The following TRPV4 variants were observed in gnomAD, a reference collection of about 807,000 sequenced individuals.
TRPV4 encodes transient receptor potential cation channel subfamily V member 4, also known as OSM9-like transient receptor potential channel 4.
In TRPV4, 58 loss-of-function variants were observed where a neutral mutation model predicts 84.1. That is an observed-to-expected ratio of 0.69 (90% confidence interval 0.56 to 0.86). The LOEUF is 0.86. Among genes scored for constraint, TRPV4 ranks in the 40% least tolerant of loss-of-function variants. The pLI is 0.00. For missense variants in TRPV4, 879 were observed against 1,181.1 expected (o/e 0.74, Z 3.75); for synonymous variants, 489 against 500.9 (o/e 0.98, Z 0.32).
At chr12:109,824,693 T>C (rs1204702264) in intron 1 of TRPV4, among the ~76,000 whole-genome samples, 1 of 152,002 alleles carries the variant, frequency 6.6e-6, no homozygotes, top group Non-Finnish European at 1.5e-5. Flanking sequence ...GAGGCAGAGA[T>C]TGCAGTGAGC....
intron 3 of TRPV4, among the ~76,000 whole-genome samples, chr12:109,806,028 C>A (rs1264804793): frequency 6.6e-6 from 1 of 152,222 alleles, no homozygotes; most frequent in Non-Finnish European, 1.5e-5. Flanking sequence ...TTGGCCAGGG[C>A]TTAAACATGG....
Position 109,796,171 on chromosome 12 carries a change from A to T in TRPV4, c.1332+354T>A, listed in dbSNP as rs1402404174. 6.6e-6 allele frequency among the ~76,000 whole-genome samples: 1 copy of T among 152,176 alleles called. No individual in the cohort carries two copies. Among genetic ancestry groups the T allele is most frequent in the African/African-American group, 2.4e-5 (1 of 41,444 alleles). ...ATTAACCTCTTTGGTCCTCCCAAGA[A>T]CCCCATGGGATATCCATGATCCTTA... On this transcript the variant is annotated intron_variant, in intron 7 of 15. Transcript: ENST00000261740. The surrounding 1 kb of genome is among the most constrained non-coding windows in gnomAD (Gnocchi z 4.2).
chr12:109,828,493 A>G lies in TRPV4; in HGVS notation c.-32+4857T>C, dbSNP rs1592876659. ...CTGCAAGGGCACCCGAGGTTGAAGGAGCCCAGGCCAGAACAAGAGCAGCAG... is the reference window on the plus strand; with the variant it reads ...CTGCAAGGGCACCCGAGGTTGAAGGGGCCCAGGCCAGAACAAGAGCAGCAG... On this transcript the variant is annotated intron_variant, in intron 1 of 15. Transcript: ENST00000261740. Among the ~76,000 whole-genome samples, 4 of 152,280 alleles carry G rather than the reference A, an allele frequency of 2.6e-5. No homozygotes were observed. In the South Asian group the frequency reaches 8.3e-4, roughly 32 times the overall value.
intron 4 of TRPV4, among the ~76,000 whole-genome samples, chr12:109,801,837 A>AT (rs1329540226): frequency 6.6e-6 from 1 of 152,198 alleles, no homozygotes; most frequent in Non-Finnish European, 1.5e-5. Flanking sequence ...CTCAAAAAAA[A>AT]GAAAACTCCT....
Position 109,814,307 on chromosome 12 carries a change from G to A in TRPV4, c.386+104C>T, listed in dbSNP as rs1400057047. 1 of 1,307,978 alleles carries A rather than the reference G, an allele frequency of 7.6e-7. No individual in the cohort carries two copies. The highest frequency in any genetic ancestry group is 1.1e-6 in the Non-Finnish European group (1 of 932,184). The allele number at this position is 1,307,978 out of a possible 1,614,324, so 81.0% of individuals were successfully genotyped here. On this transcript the variant is annotated intron_variant, in intron 2 of 15. Transcript: ENST00000261740. This position sits in a 1 kb window ranked among gnomAD's most constrained non-coding sequence, Gnocchi z 5.4. ...TGGTTGGATGGACAGATGGATGGAT[G>A]GATGAATCGACGGATGGGTGGATAA... is the stretch of plus-strand genomic sequence containing the variant.
chr12:109,784,840 CAA>C lies in TRPV4; in HGVS notation c.2337-405_2337-404del, dbSNP rs11443576. On this transcript the variant is annotated intron_variant, in intron 14 of 15. Transcript: ENST00000261740. ...TGGGGGACAAAGCAAGACTCCATCT[CAA>C]AAAAAAAAAAAAAAAGACGTGTGTG... Among the ~76,000 whole-genome samples, 95 of 83,804 alleles carry C rather than the reference CAA, an allele frequency of 1.1e-3. 1 individual carries two copies. Among genetic ancestry groups the C allele is most frequent in the South Asian group, 0.01 (23 of 2,208 alleles). The allele number at this position is 83,804 out of a possible 152,430, so 55.0% of individuals were successfully genotyped here. A position where few individuals can be genotyped will look rare whatever the true frequency, so the allele number is the denominator to read the frequency against.
At chr12:109,829,977 G>A (rs1464634508) in intron 1 of TRPV4, among the ~76,000 whole-genome samples, 4 of 152,126 alleles carry the variant, frequency 2.6e-5, no homozygotes, top group African/African-American at 4.8e-5. Context: ...TACCACGTTC[G>A]GCTAATTTTT....
intron 1 of TRPV4, among the ~76,000 whole-genome samples, chr12:109,832,016 T>C (rs893165134): frequency 1.3e-5 from 2 of 152,222 alleles, no homozygotes; most frequent in African/African-American, 4.8e-5. Context: ...CAACGACAAC[T>C]GGTTAAACAT....
In TRPV4 at chr12:109,800,633, C is replaced by G. The variant is rs763354006; in HGVS notation, c.838G>C (p.Gly280Arg). The G allele has an allele frequency of 1.2e-6, 2 of 1,614,192 alleles. No individual in the cohort carries two copies. The highest frequency in any genetic ancestry group is 2.7e-5 in the African/African-American group (2 of 75,060). The change falls in exon 5 of 16, where the codon GGC becomes CGC. Residue 280 changes from glycine (G) to arginine (R), a missense_variant. Transcript: ENST00000261740. ...GRFFQPKDEG[G>R]YFYFGELPLS... is the part of the protein sequence containing the mutation. ...CCCTCCTTACCAAAGTAGAAGTAGCCCCCCTCATCCTTGGGCTGGAAGAAG... is the reference window on the plus strand; with the variant it reads ...CCCTCCTTACCAAAGTAGAAGTAGCGCCCCTCATCCTTGGGCTGGAAGAAG...
Position 109,783,804 on chromosome 12 carries a change from G to A in TRPV4, c.2459-26C>T, listed in dbSNP as rs1229630115. 2 of 1,608,960 alleles carry A rather than the reference G, an allele frequency of 1.2e-6. No individual in the cohort carries two copies. The highest frequency in any genetic ancestry group is 1.6e-4 in the Middle Eastern group (1 of 6,062). On this transcript the variant is annotated intron_variant, in intron 15 of 15. Transcript: ENST00000261740. This position sits in a 1 kb window ranked among gnomAD's most constrained non-coding sequence, Gnocchi z 4.6. ...CTGCACCGAGAGCACATCAGAGGGAGGGGTGGGGGTTGGTGGAGAGAGAGC... is the reference window on the plus strand; with the variant it reads ...CTGCACCGAGAGCACATCAGAGGGAAGGGTGGGGGTTGGTGGAGAGAGAGC...
intron 12 of TRPV4, among the ~76,000 whole-genome samples, chr12:109,792,145 C>A (rs1890081774): frequency 6.7e-6 from 1 of 148,696 alleles, no homozygotes; most frequent in African/African-American, 2.5e-5. Context: ...ACGTGGGAGG[C>A]TGAGGCAGAA....
In TRPV4 at chr12:109,808,386, T is replaced by C; in HGVS notation, c.469A>G (p.Ile157Val). 3 of 1,614,118 alleles carry C rather than the reference T, an allele frequency of 1.9e-6. No homozygotes were observed. The highest frequency in any genetic ancestry group is 1.7e-5 in the Admixed American group (1 of 60,024). The part of the protein sequence containing the change: ...KVFNRPILFD[I>V]VSRGSTADLD... ...TCAGCAGTGGAGCCCCGGGACACGA[T>C]GTCAAAGAGGATAGGCCGGTTGAAG... The change falls in exon 3 of 16, where the codon ATC becomes GTC. Residue 157 changes from isoleucine to valine, a missense_variant. Around this residue, in one of 4 missense-constraint regions of TRPV4, gnomAD observed 521 missense variants for 686.6 expected, o/e 0.76. Coordinates refer to ENST00000261740, the MANE Select transcript of TRPV4 (RefSeq NM_021625.5).
Position 109,806,873 on chromosome 12 carries a change from G to GA in TRPV4, c.559+1422dup, listed in dbSNP as rs533116934. On this transcript the variant is annotated intron_variant, in intron 3 of 15. Transcript: ENST00000261740. ...GAGACCCTATCTCAAAAAAAAAAAA[G>GA]AAAAAAAAAAAAAAAACAGGTTGAT... is the stretch of plus-strand genomic sequence containing the variant. Among the ~76,000 whole-genome samples, 497 of 93,616 alleles carry GA rather than the reference G, an allele frequency of 5.3e-3. 3 individuals carry two copies. The highest frequency in any genetic ancestry group is 0.014 in the African/African-American group (312 of 22,020). The allele number at this position is 93,616 out of a possible 152,430, so 61.4% of individuals were successfully genotyped here. A position where few individuals can be genotyped will look rare whatever the true frequency, so the allele number is the denominator to read the frequency against.
chr12:109,783,541 G>A lies in TRPV4; in HGVS notation c.*80C>T, dbSNP rs1889466956. On this transcript the variant is annotated 3_prime_UTR_variant, in exon 16 of 16. Transcript: ENST00000261740. This position sits in a 1 kb window ranked among gnomAD's most constrained non-coding sequence, Gnocchi z 4.6. ...CTCTGGGGCCAAAGCAGGGTGTGGG[G>A]GGACACCCCAGAAGGCACTGCTGAA... The A allele has an allele frequency of 1.9e-6, 3 of 1,544,294 alleles. No individual in the cohort carries two copies. Among genetic ancestry groups the A allele is most frequent in the African/African-American group, 2.7e-5 (2 of 73,832 alleles).
At chr12:109,831,743 A>C (rs1410306636) in intron 1 of TRPV4, among the ~76,000 whole-genome samples, 1 of 152,180 alleles carries the variant, frequency 6.6e-6, no homozygotes. Flanking sequence ...TCCTGGGGGC[A>C]TCACACCCTT....
intron 2 of TRPV4, among the ~76,000 whole-genome samples, chr12:109,812,843 A>T (rs573216871): frequency 1.3e-5 from 2 of 152,366 alleles, no homozygotes; most frequent in South Asian, 4.1e-4. Context: ...ATATGGGTGT[A>T]TGGCTGGACA....
chr12:109,830,987 C>G (rs781355867), intron 1 of TRPV4, among the ~76,000 whole-genome samples: 2 of 152,176 alleles, frequency 1.3e-5, no homozygotes, highest in Non-Finnish European at 2.9e-5. Flanking sequence ...GCCAGCCTCT[C>G]TGTCTGAGCT....
chr12:109,788,532 G>A lies in TRPV4; in HGVS notation c.2076C>T (p.Pro692=), dbSNP rs769988861. 2.5e-5 allele frequency: 41 copies of A among 1,614,250 alleles called. 1 individual carries two copies. Among genetic ancestry groups the A allele is most frequent in the South Asian group, 5.5e-5 (5 of 91,090 alleles). ...DLEMLSSTKY[P]VVFIILLVTY... is the part of the protein sequence containing the mutation. ...TCACCAGCAGGATGATGAAGACCAC[G>A]GGGTACTTGGTGCTGCTCAGCATCT... The change falls in exon 13 of 16, where the codon CCC becomes CCT. Residue 692 remains proline (P), a synonymous_variant. Coordinates refer to ENST00000261740, the MANE Select transcript of TRPV4 (RefSeq NM_021625.5).
intron 3 of TRPV4, among the ~76,000 whole-genome samples, chr12:109,805,100 G>A (rs1196607858): frequency 6.6e-6 from 1 of 152,354 alleles, no homozygotes; most frequent in Non-Finnish European, 1.5e-5. Context: ...ATAACTGTGT[G>A]CTTATTTATG....
Sources: allele counts gnomAD v4.1 joint callset (sites outside exome capture counted in the v4.1 genomes callset), GRCh38; gene constraint gnomAD v4.1.1; regional missense constraint gnomAD v4.1.1; non-coding constraint Gnocchi (gnomAD v3.1); transcripts MANE v1.5; gene names NCBI Gene and HGNC (gene_info 2026-07-23, HGNC 2026-07-21).